ME2: variants seen among roughly 807,000 people sequenced by gnomAD.
ME2 encodes NAD-dependent malic enzyme, mitochondrial.
Under a neutral mutation model 73.7 loss-of-function variants are expected in ME2, and 60 were observed. That is an observed-to-expected ratio of 0.81 (90% confidence interval 0.66 to 1.01). ME2 has a LOEUF of 1.01. ME2 is among the 50% of genes least tolerant of loss of function. The pLI is 0.00. For synonymous variants in ME2, 199 were observed against 236.9 expected, an observed-to-expected ratio of 0.84 and a Z score of 1.47; for missense variants, 594 against 705.5, an observed-to-expected ratio of 0.84 and a Z score of 1.79.
At chr18:50,920,332 C>T (rs1244441629) in intron 7 of ME2, 124 bp from the exon 8 acceptor site, 7 of 639,776 alleles carry the variant, frequency 1.1e-5, no homozygotes, top group Non-Finnish European at 1.8e-5. Flanking sequence ...TGAAATTTTT[C>T]AGATGGCCTT....
intron 12 of ME2, among the ~76,000 whole-genome samples, chr18:50,929,597 G>A (rs1430137595): frequency 6.6e-6 from 1 of 151,750 alleles, no homozygotes; most frequent in Non-Finnish European, 1.5e-5. Flanking sequence ...AAATTCTCAT[G>A]ACTGTTAGTT....
At chr18:50,881,333 G>A (rs984573090) in intron 1 of ME2, among the ~76,000 whole-genome samples, 8 of 152,070 alleles carry the variant, frequency 5.3e-5, no homozygotes, top group African/African-American at 1.9e-4. Flanking sequence ...CACCATGCCC[G>A]GTGAACTAGC....
intron 13 of ME2, chr18:50,934,932 T>C (rs1599121980): frequency 2.0e-5 from 3 of 152,168 alleles, no homozygotes; most frequent in Admixed American, 6.5e-5. Context: ...AGTGGAAATA[T>C]AGACCAGGAA....
chr18:50,901,452 G>A (rs1402297611), intron 2 of ME2, among the ~76,000 whole-genome samples: 2 of 152,130 alleles, frequency 1.3e-5, no homozygotes, highest in Non-Finnish European at 2.9e-5. Flanking sequence ...TATGAAATGA[G>A]TACCAGAAAA....
At chr18:50,913,679 C>T (rs1302117582) in intron 4 of ME2, among the ~76,000 whole-genome samples, 2 of 151,756 alleles carry the variant, frequency 1.3e-5, no homozygotes, top group African/African-American at 2.4e-5. Context: ...AGTTGTAGCA[C>T]CTACAAACAT....
chr18:50,907,413 G>C (rs1479783799), intron 2 of ME2, among the ~76,000 whole-genome samples: 1 of 152,188 alleles, frequency 6.6e-6, no homozygotes, highest in Non-Finnish European at 1.5e-5. Flanking sequence ...TGAAGAAGTT[G>C]CTTCTGGTTA....
chr18:50,915,096 C>T (rs1052857381), intron 4 of ME2, among the ~76,000 whole-genome samples: 10 of 151,510 alleles, frequency 6.6e-5, no homozygotes, highest in Non-Finnish European at 1.3e-4. Flanking sequence ...AACCCCTCCT[C>T]CTCCTCCTCC....
intron 2 of ME2, among the ~76,000 whole-genome samples, chr18:50,901,046 A>G (rs957293203): frequency 6.6e-6 from 1 of 152,222 alleles, no homozygotes; most frequent in Non-Finnish European, 1.5e-5. Flanking sequence ...TAAGCCATAG[A>G]ACATGTGATG....
rs189302530 is a variant in ME2, at chr18:50,884,133, T to A, written c.-13+4825T>A. ...TTGTTTTTTTCCTTAAGTTTTTTTTTAATTATGCCTACTAAAGACACTATT... is the reference window on the plus strand; with the variant it reads ...TTGTTTTTTTCCTTAAGTTTTTTTTAAATTATGCCTACTAAAGACACTATT... On this transcript the variant is annotated intron_variant, in intron 1 of 15. Transcript: ENST00000321341. 1.4e-4 allele frequency among the ~76,000 whole-genome samples: 22 copies of A among 152,326 alleles called. 1 individual carries two copies. The highest frequency in any genetic ancestry group is 2.6e-4 in the Admixed American group (4 of 15,300).
chr18:50,952,547 A>G lies in ME2; in HGVS notation c.*5363A>G, dbSNP rs1463393519. On this transcript the variant is annotated 3_prime_UTR_variant, in exon 16 of 16. Coordinates refer to ENST00000321341, the MANE Select transcript of ME2 (RefSeq NM_002396.5). ...TCTTTTGGTAAACAGCATTTTGTCA[A>G]CAAACTTTTCATATGGCTATAGAAT... is the stretch of plus-strand genomic sequence containing the variant. The G allele has an allele frequency of 6.6e-6, 1 of 152,212 alleles. No homozygotes were observed. Among genetic ancestry groups the G allele is most frequent in the East Asian group, 1.9e-4 (1 of 5,200 alleles). The allele number at this position is 152,212 out of a possible 1,614,324, so 9.4% of individuals were successfully genotyped here. A position where few individuals can be genotyped will look rare whatever the true frequency, so the allele number is the denominator to read the frequency against.
In ME2 at chr18:50,952,788, C is replaced by G. The variant is rs973032334; in HGVS notation, c.*5604C>G. 1 of 152,184 alleles carries G rather than the reference C, an allele frequency of 6.6e-6. No individual in the cohort carries two copies. Among genetic ancestry groups the G allele is most frequent in the Non-Finnish European group, 1.5e-5 (1 of 68,032 alleles). The allele number at this position is 152,184 out of a possible 1,614,324, so 9.4% of individuals were successfully genotyped here. A position where few individuals can be genotyped will look rare whatever the true frequency, so the allele number is the denominator to read the frequency against. On this transcript the variant is annotated 3_prime_UTR_variant, in exon 16 of 16. Transcript: ENST00000321341. The stretch of plus-strand genomic sequence containing the variant: ...TACAGCCATTGGATTATCACCAACA[C>G]ATTTGGTATATACAGTGGGCCGATA...
chr18:50,953,544 A>T lies in ME2; in HGVS notation c.*6360A>T, dbSNP rs193084414. ...GATTTGGTGTTGAATTTAATAAATTACACCAAAAAGTCTCAGTAGCCAATT... is the reference window on the plus strand; with the variant it reads ...GATTTGGTGTTGAATTTAATAAATTTCACCAAAAAGTCTCAGTAGCCAATT... On this transcript the variant is annotated 3_prime_UTR_variant, in exon 16 of 16. Coordinates refer to ENST00000321341, the MANE Select transcript of ME2 (RefSeq NM_002396.5). 1 of 152,372 alleles carries T rather than the reference A, an allele frequency of 6.6e-6. No homozygotes were observed. Among genetic ancestry groups the T allele is most frequent in the East Asian group, 1.9e-4 (1 of 5,190 alleles). The allele number at this position is 152,372 out of a possible 1,614,324, so 9.4% of individuals were successfully genotyped here. A position where few individuals can be genotyped will look rare whatever the true frequency, so the allele number is the denominator to read the frequency against.
intron 2 of ME2, among the ~76,000 whole-genome samples, chr18:50,898,823 C>T (rs546601266): frequency 1.3e-5 from 2 of 152,292 alleles, no homozygotes; most frequent in East Asian, 3.9e-4. Context: ...CATTTACTAG[C>T]CATGAAACTT....
intron 1 of ME2, among the ~76,000 whole-genome samples, 186 bp from the exon 2 acceptor site, chr18:50,895,623 T>C (rs1308686045): frequency 6.6e-6 from 1 of 152,182 alleles, no homozygotes; most frequent in Non-Finnish European, 1.5e-5. Flanking sequence ...AGAGTAGCAG[T>C]GATTATTTCC....
chr18:50,903,868 T>C (rs1002869602), intron 2 of ME2, among the ~76,000 whole-genome samples: 2 of 152,178 alleles, frequency 1.3e-5, no homozygotes, highest in African/African-American at 4.8e-5. Context: ...TTTACCTTCT[T>C]TGTATTTCCC....
intron 1 of ME2, among the ~76,000 whole-genome samples, chr18:50,880,519 G>T (rs1021388068): frequency 6.6e-6 from 1 of 152,182 alleles, no homozygotes; most frequent in African/African-American, 2.4e-5. Flanking sequence ...GTTCGCGGTG[G>T]CTCACGCATG....
chr18:50,943,913 T>C (rs559657487), intron 15 of ME2, among the ~76,000 whole-genome samples: 10 of 152,186 alleles, frequency 6.6e-5, no homozygotes, highest in African/African-American at 2.2e-4. Flanking sequence ...TGGAAGATAT[T>C]AGTCAGTTAA....
chr18:50,940,811 AATATATTG>A (rs1313714273), intron 15 of ME2, among the ~76,000 whole-genome samples: 1 of 151,988 alleles, frequency 6.6e-6, no homozygotes, highest in African/African-American at 2.4e-5. Context: ...TTTTCCCCTT[AATATATTG>A]TAAGTCTTTT....
At position 50,918,018 on chromosome 18, in the gene ME2, G is replaced by A. The variant is rs561110467; in HGVS notation, c.631-92G>A. The stretch of plus-strand genomic sequence containing the variant: ...TGTAGGGCAATACATTTAAAAAATT[G>A]TATTAGTAATTTTTTATTTTGCAAT... On this transcript the variant is annotated intron_variant, in intron 6 of 15. Transcript: ENST00000321341. 6 of 694,720 alleles carry A rather than the reference G, an allele frequency of 8.6e-6. No homozygotes were observed. The East Asian group carries it at 1.2e-4, about 14-fold the overall frequency. 43.0% of individuals were successfully genotyped at this position (694,720 alleles called of 1,614,324 possible).
Sources: gnomAD v4.1 joint callset for allele counts (sites outside exome capture counted in the v4.1 genomes callset) on GRCh38, gnomAD v4.1.1 for gene constraint, MANE v1.5 for transcripts, NCBI Gene and HGNC (gene_info 2026-07-23, HGNC 2026-07-21) for gene names.